ITGA9: variants seen among roughly 807,000 people sequenced by gnomAD.
ITGA9 encodes the protein integrin subunit alpha 9.
A neutral mutation model predicts 127.8 loss-of-function variants in ITGA9; 56 were observed. The ratio of observed to expected loss-of-function variants is 0.44; its 90% CI spans 0.35 to 0.55. The LOEUF is 0.55. Among genes scored for constraint, ITGA9 ranks in the 20% least tolerant of loss-of-function variants. The pLI is 0.00. For synonymous variants in ITGA9, 508 were observed against 514.5 expected (o/e 0.99, Z 0.17); for missense variants, 1,196 against 1,347.1 (o/e 0.89, Z 1.76).
At chr3:37,787,992 G>A (rs546457555) in intron 26 of ITGA9, among the ~76,000 whole-genome samples, 46 of 152,288 alleles carry the variant, frequency 3.0e-4, no homozygotes, top group African/African-American at 1.0e-3. Flanking sequence ...TTTATATTGA[G>A]TAGTTATTTC....
intron 8 of ITGA9, among the ~76,000 whole-genome samples, chr3:37,509,966 C>T (rs1698884620): frequency 6.6e-6 from 1 of 150,996 alleles, no homozygotes; most frequent in South Asian, 2.1e-4. Context: ...AGCATGGAAA[C>T]AATCTCCCTC....
chr3:37,802,753 G>T (rs538594211), intron 26 of ITGA9, among the ~76,000 whole-genome samples: 3 of 152,144 alleles, frequency 2.0e-5, no homozygotes, highest in Non-Finnish European at 4.4e-5. Context: ...GAGGGTAGGG[G>T]TGCCCTGATT....
At chr3:37,742,831 T>C (rs1696454794) in intron 21 of ITGA9, among the ~76,000 whole-genome samples, 1 of 152,216 alleles carries the variant, frequency 6.6e-6, no homozygotes, top group African/African-American at 2.4e-5. Flanking sequence ...TTTGGTCATG[T>C]TTTTTAAACA....
intron 15 of ITGA9, among the ~76,000 whole-genome samples, chr3:37,570,150 G>A (rs1009674028): frequency 6.6e-6 from 1 of 152,242 alleles, no homozygotes; most frequent in Non-Finnish European, 1.5e-5. Flanking sequence ...CCGGGGTTTG[G>A]CCACCCCTGG....
chr3:37,469,751 T>C (rs1264721241), intron 1 of ITGA9, among the ~76,000 whole-genome samples: 1 of 152,238 alleles, frequency 6.6e-6, no homozygotes, highest in Non-Finnish European at 1.5e-5. Flanking sequence ...GTGGTTGCAG[T>C]TGAATGCTGT....
chr3:37,706,341 A>C (rs73070770), intron 18 of ITGA9, among the ~76,000 whole-genome samples: 1 of 152,178 alleles, frequency 6.6e-6, no homozygotes, highest in African/African-American at 2.4e-5. Flanking sequence ...TGCTCTTTTC[A>C]GTCCATTGTT....
At chr3:37,615,834 G>A (rs201671317) in intron 15 of ITGA9, among the ~76,000 whole-genome samples, 1 of 151,726 alleles carries the variant, frequency 6.6e-6, no homozygotes, top group Non-Finnish European at 1.5e-5. Flanking sequence ...ATTTTTTATT[G>A]TGTCTATTTG....
chr3:37,819,220 T>C lies in ITGA9; in HGVS notation c.*231T>C. The C allele has an allele frequency of 3.4e-6, 2 of 589,078 alleles. No individual in the cohort carries two copies. The highest frequency in any genetic ancestry group is 2.9e-5 in the East Asian group (1 of 34,800). 36.5% of individuals were successfully genotyped at this position (589,078 alleles called of 1,614,324 possible). ...AAGATGAACTCTGAACTTTGGAGAG[T>C]GAGCTACAGAGCCGAGCAATATTTA... On this transcript the variant is annotated 3_prime_UTR_variant, in exon 28 of 28. Coordinates refer to ENST00000264741, the MANE Select transcript of ITGA9 (RefSeq NM_002207.3).
intron 15 of ITGA9, among the ~76,000 whole-genome samples, chr3:37,566,185 G>A (rs1057293622): frequency 6.6e-6 from 1 of 152,170 alleles, no homozygotes; most frequent in East Asian, 1.9e-4. Context: ...TACATTCTAA[G>A]ACCCCTAGTA....
chr3:37,547,952 A>G (rs921546235), intron 15 of ITGA9, among the ~76,000 whole-genome samples: 2 of 152,234 alleles, frequency 1.3e-5, no homozygotes, highest in Non-Finnish European at 2.9e-5. Context: ...CAATAAATAT[A>G]GAAATCTGTG....
intron 15 of ITGA9, among the ~76,000 whole-genome samples, chr3:37,590,904 A>G (rs1200635960): frequency 6.6e-6 from 1 of 152,016 alleles, no homozygotes; most frequent in Non-Finnish European, 1.5e-5. Context: ...TTCAGGAGGA[A>G]CTCTGCCAGT....
intron 1 of ITGA9, among the ~76,000 whole-genome samples, chr3:37,453,528 C>T (rs1201420991): frequency 6.6e-6 from 1 of 152,172 alleles, no homozygotes; most frequent in Non-Finnish European, 1.5e-5. Context: ...ACAGTGGTCA[C>T]TTCTTGATAG....
At chr3:37,685,583 G>GAAAGGT (rs747159140) in intron 18 of ITGA9, among the ~76,000 whole-genome samples, 10 of 152,226 alleles carry the variant, frequency 6.6e-5, no homozygotes, top group Admixed American at 3.9e-4. Flanking sequence ...TGGGGGAAAG[G>GAAAGGT]GGCTTCCTTG....
At chr3:37,550,926 G>A (rs1197652531) in intron 15 of ITGA9, among the ~76,000 whole-genome samples, 2 of 152,070 alleles carry the variant, frequency 1.3e-5, no homozygotes, top group Non-Finnish European at 2.9e-5. Flanking sequence ...TTGTTCCATG[G>A]GTATATCGCA....
chr3:37,742,095 A>T (rs573256910), intron 21 of ITGA9, among the ~76,000 whole-genome samples: 46 of 152,324 alleles, frequency 3.0e-4, no homozygotes, highest in Middle Eastern at 3.4e-3. Context: ...AACATTCCAT[A>T]TACCTTTATG....
At chr3:37,499,090 G>C (rs949211783) in intron 5 of ITGA9, among the ~76,000 whole-genome samples, 2 of 152,244 alleles carry the variant, frequency 1.3e-5, no homozygotes, top group Non-Finnish European at 2.9e-5. Context: ...CAAAGCCTTC[G>C]GAGCTATGGA....
At chr3:37,670,141 A>C (rs1700623848) in intron 17 of ITGA9, among the ~76,000 whole-genome samples, 1 of 151,896 alleles carries the variant, frequency 6.6e-6, no homozygotes, top group African/African-American at 2.4e-5. Flanking sequence ...GCTAAAGAAC[A>C]ATTTCACCTC....
intron 11 of ITGA9, among the ~76,000 whole-genome samples, chr3:37,521,825 T>G (rs7611890): frequency 0.046 from 7,032 of 152,288 alleles, 458 homozygotes; most frequent in African/African-American, 0.15. Context: ...ACATGTTTGT[T>G]TAGACAGAGC....
rs748381488 is a variant in ITGA9 at position 37,818,191 on chromosome 3, T to TAAAAAAAAAAAA, written c.3010-685_3010-674dup. On this transcript the variant is annotated intron_variant, in intron 27 of 27. Transcript: ENST00000264741. The stretch of plus-strand genomic sequence containing the variant: ...CTTTCCACTGTACATTAAGACTCTC[T>TAAAAAAAAAAAA]AAAAAAAAAAAAAAAAAAAAAAAAA... 65 of 31,962 alleles carry TAAAAAAAAAAAA rather than the reference T, an allele frequency of 2.0e-3. 1 individual carries two copies. Among genetic ancestry groups the TAAAAAAAAAAAA allele is most frequent in the African/African-American group, 5.9e-3 (63 of 10,658 alleles). The allele number at this position is 31,962 out of a possible 1,614,324, so 2.0% of individuals were successfully genotyped here.
Sources: allele counts gnomAD v4.1 joint callset (sites outside exome capture counted in the v4.1 genomes callset), GRCh38; gene constraint gnomAD v4.1.1; transcripts MANE v1.5; gene names NCBI Gene and HGNC (gene_info 2026-07-23, HGNC 2026-07-21).